The following ZFPM2 variants were observed in gnomAD, a reference collection of about 807,000 sequenced individuals.
ZFPM2 encodes zinc finger protein ZFPM2.
Under a neutral mutation model 98.6 loss-of-function variants are expected in ZFPM2, and 20 were observed. The observed-to-expected ratio is 0.20, with a 90% CI of 0.14 to 0.29. ZFPM2 has a LOEUF of 0.29. Among genes scored for constraint, ZFPM2 ranks in the 10% least tolerant of loss-of-function variants. The probability of loss-of-function intolerance (pLI) is 1.00; values close to 1 mark genes in which losing one functional copy is unlikely to be tolerated. For synonymous variants in ZFPM2, 518 were observed against 502.7 expected (o/e 1.03, Z -0.41); for missense variants, 1,310 against 1,388.6 (o/e 0.94, Z 0.90).
At chr8:105,441,626 A>G (rs1812253511) in intron 2 of ZFPM2, among the ~76,000 whole-genome samples, 1 of 152,036 alleles carries the variant, frequency 6.6e-6, no homozygotes, top group Non-Finnish European at 1.5e-5. Flanking sequence ...GAGAATGTCC[A>G]GGAGACATTA....
chr8:105,543,926 G>T lies in ZFPM2; in HGVS notation c.302-17437G>T, dbSNP rs77157119. Among the ~76,000 whole-genome samples, 429 of 152,228 alleles carry T rather than the reference G, an allele frequency of 2.8e-3. 2 individuals carry two copies. The highest frequency in any genetic ancestry group is 0.01 in the African/African-American group (419 of 41,550). On this transcript the variant is annotated intron_variant, in intron 3 of 7. Coordinates refer to ENST00000407775, the MANE Select transcript of ZFPM2 (RefSeq NM_012082.4). ...CATGCACACACACATACATGCACAC[G>T]CATGCTACAGTGCTGTAGATATTCT...
In ZFPM2 at chr8:105,673,187, C is replaced by CTTTTTTTTTTTTTTTTTTTT. The variant is rs5893754; in HGVS notation, c.532+38831_532+38850dup. Among the ~76,000 whole-genome samples the CTTTTTTTTTTTTTTTTTTTT allele has an allele frequency of 4.7e-4, 41 of 87,518 alleles. 1 individual carries two copies. The highest frequency in any genetic ancestry group is 1.6e-3 in the African/African-American group (32 of 20,462). 57.4% of individuals were successfully genotyped at this position (87,518 alleles called of 152,430 possible). A position where few individuals can be genotyped will look rare whatever the true frequency, so the allele number is the denominator to read the frequency against. On this transcript the variant is annotated intron_variant, in intron 5 of 7. Transcript: ENST00000407775. The stretch of plus-strand genomic sequence containing the variant: ...TACTTCTATTTTTTCAAATAGCATG[C>CTTTTTTTTTTTTTTTTTTTT]TTTTTTTTTTTTTTTTTTTTACCGA...
At chr8:105,543,118 A>G (rs966054779) in intron 3 of ZFPM2, among the ~76,000 whole-genome samples, 1 of 152,218 alleles carries the variant, frequency 6.6e-6, no homozygotes, top group African/African-American at 2.4e-5. Context: ...TTGCATTTCC[A>G]TGATGAGAAG....
chr8:105,491,203 G>C (rs554333287), intron 3 of ZFPM2, among the ~76,000 whole-genome samples: 105 of 152,144 alleles, frequency 6.9e-4, no homozygotes, highest in African/African-American at 2.5e-3. Flanking sequence ...TTTTACTCTT[G>C]CTCATGAAGT....
intron 5 of ZFPM2, among the ~76,000 whole-genome samples, chr8:105,670,193 A>G (rs549731731): frequency 1.3e-5 from 2 of 152,184 alleles, no homozygotes; most frequent in East Asian, 3.9e-4. Context: ...TGGACCCACC[A>G]CTCAGATTAA....
chr8:105,754,280 C>G (rs1373999451), intron 5 of ZFPM2, among the ~76,000 whole-genome samples: 2 of 152,052 alleles, frequency 1.3e-5, no homozygotes, highest in East Asian at 3.9e-4. Context: ...TTAAAAGATA[C>G]TTTGAAGTTA....
At chr8:105,322,695 G>T (rs960902209) in intron 1 of ZFPM2, among the ~76,000 whole-genome samples, 1 of 152,076 alleles carries the variant, frequency 6.6e-6, no homozygotes, top group African/African-American at 2.4e-5. Flanking sequence ...TAATGAAAGG[G>T]TGAATTAAGA....
rs887139369 is a variant in ZFPM2 at position 105,510,900 on chromosome 8, T to C, written c.302-50463T>C. 1.3e-5 allele frequency among the ~76,000 whole-genome samples: 2 copies of C among 152,210 alleles called. 1 individual carries two copies. Among genetic ancestry groups the C allele is most frequent in the South Asian group, 4.1e-4 (2 of 4,832 alleles). On this transcript the variant is annotated intron_variant, in intron 3 of 7. Coordinates refer to ENST00000407775, the MANE Select transcript of ZFPM2 (RefSeq NM_012082.4). ...GGAAGATTGAGAAAGTCTTAAAATA[T>C]GTTCATTGCTTTAGAAATTTTACCC... is the stretch of plus-strand genomic sequence containing the variant.
At chr8:105,393,584 A>T (rs1253212136) in intron 1 of ZFPM2, among the ~76,000 whole-genome samples, 2 of 152,116 alleles carry the variant, frequency 1.3e-5, no homozygotes, top group Non-Finnish European at 1.5e-5. Flanking sequence ...CAGCCAGAGC[A>T]TGTTTATTAT....
chr8:105,335,252 G>A (rs1041423074), intron 1 of ZFPM2, among the ~76,000 whole-genome samples: 5 of 151,682 alleles, frequency 3.3e-5, no homozygotes, highest in Admixed American at 6.6e-5. Context: ...GTTTTTAACC[G>A]TGGAGTCTCT....
At chr8:105,631,745 T>A (rs1400010403) in intron 4 of ZFPM2, among the ~76,000 whole-genome samples, 1 of 152,160 alleles carries the variant, frequency 6.6e-6, no homozygotes, top group East Asian at 1.9e-4. Context: ...CAGGATTGAG[T>A]TTGCTTATTT....
At chr8:105,519,801 T>G (rs1814011934) in intron 3 of ZFPM2, among the ~76,000 whole-genome samples, 1 of 152,074 alleles carries the variant, frequency 6.6e-6, no homozygotes, top group African/African-American at 2.4e-5. Flanking sequence ...GCCTGGATTT[T>G]TTTTTTTTAA....
In ZFPM2 at chr8:105,798,242, G is replaced by A. The variant is rs1219399331; in HGVS notation, c.740-482G>A. 3 of 152,952 alleles carry A rather than the reference G, an allele frequency of 2.0e-5. No individual in the cohort carries two copies. The East Asian group carries it at 5.8e-4, about 29-fold the overall frequency. The allele number at this position is 152,952 out of a possible 1,614,324, so 9.5% of individuals were successfully genotyped here. Reference sequence around the variant, plus strand: ...AGGCAAGGTGGATCACCTGAGGTAAGGAGTTTGAGACCAGCCTAGCCAACA... The same window carrying A: ...AGGCAAGGTGGATCACCTGAGGTAAAGAGTTTGAGACCAGCCTAGCCAACA... On this transcript the variant is annotated intron_variant, in intron 6 of 7. Transcript: ENST00000407775.
At chr8:105,709,290 T>C (rs1811327801) in intron 5 of ZFPM2, among the ~76,000 whole-genome samples, 1 of 152,182 alleles carries the variant, frequency 6.6e-6, no homozygotes, top group Non-Finnish European at 1.5e-5. Flanking sequence ...TATAAACTCA[T>C]AAAATTTAAA....
At chr8:105,391,133 T>C (rs1439521332) in intron 1 of ZFPM2, among the ~76,000 whole-genome samples, 3 of 152,220 alleles carry the variant, frequency 2.0e-5, no homozygotes, top group African/African-American at 7.2e-5. Context: ...TGAAGTTTTG[T>C]GGAGCTATGC....
Position 105,803,862 on chromosome 8 carries a change from A to T in ZFPM2, c.*324A>T, listed in dbSNP as rs1387353890. The T allele has an allele frequency of 5.0e-6, 1 of 198,810 alleles. No homozygotes were observed. The highest frequency in any genetic ancestry group is 1.0e-5 in the Non-Finnish European group (1 of 97,602). The allele number at this position is 198,810 out of a possible 1,614,324, so 12.3% of individuals were successfully genotyped here. The stretch of plus-strand genomic sequence containing the variant: ...GCACATATGGTTTGCACTGTATAGT[A>T]GCTTTTAAAGAAAATAGTCACAATA... On this transcript the variant is annotated 3_prime_UTR_variant, in exon 8 of 8. Transcript: ENST00000407775.
intron 4 of ZFPM2, among the ~76,000 whole-genome samples, chr8:105,633,854 T>C (rs1816796616): frequency 6.6e-6 from 1 of 152,200 alleles, no homozygotes; most frequent in African/African-American, 2.4e-5. Flanking sequence ...TTCCTGTCTG[T>C]TTCAGGAAAT....
At chr8:105,542,194 C>G (rs564831849) in intron 3 of ZFPM2, among the ~76,000 whole-genome samples, 15 of 152,164 alleles carry the variant, frequency 9.9e-5, no homozygotes, top group Middle Eastern at 3.4e-3. Flanking sequence ...TAATGTTCTA[C>G]AAATACGCAA....
chr8:105,446,162 C>T (rs188497527), intron 3 of ZFPM2, among the ~76,000 whole-genome samples: 1 of 152,240 alleles, frequency 6.6e-6, no homozygotes, highest in Admixed American at 6.5e-5. Context: ...CCTCGTGATC[C>T]TCCCGCCTTG....
Sources: gnomAD v4.1 joint callset for allele counts (sites outside exome capture counted in the v4.1 genomes callset) on GRCh38, gnomAD v4.1.1 for gene constraint, MANE v1.5 for transcripts, NCBI Gene and HGNC (gene_info 2026-07-23, HGNC 2026-07-21) for gene names.